NBN: variants seen among roughly 807,000 people sequenced by gnomAD.
The protein encoded by NBN is nibrin.
In NBN, 88 loss-of-function variants were observed where a neutral mutation model predicts 90.8. The ratio of observed to expected loss-of-function variants is 0.97; its 90% CI spans 0.82 to 1.16. The LOEUF is 1.16. Ranked by LOEUF, NBN falls within the 50% of genes most tolerant of loss-of-function variation. The pLI is 0.00. For missense variants in NBN, 894 were observed against 869.6 expected, an observed-to-expected ratio of 1.03 and a Z score of -0.35; for synonymous variants, 328 against 295.1, an observed-to-expected ratio of 1.11 and a Z score of -1.14.
intron 9 of NBN, 56 bp from the exon 10 acceptor site, chr8:89,955,611 A>T: frequency 6.5e-7 from 1 of 1,542,060 alleles, no homozygotes. Context: ...CAACTTTAAT[A>T]GAGAAACAAA....
Position 89,984,612 on chromosome 8 carries a change from T to C in NBN, c.-51A>G. The C allele has an allele frequency of 6.2e-7, 1 of 1,606,906 alleles. No individual in the cohort carries two copies. The highest frequency in any genetic ancestry group is 1.1e-5 in the South Asian group (1 of 90,276). On this transcript the variant is annotated 5_prime_UTR_variant, in exon 1 of 16. Coordinates refer to ENST00000265433, the MANE Select transcript of NBN (RefSeq NM_002485.5). ...CGACGTGCAACCGCGTAACCGGGGC[T>C]GCTAGACGAGCGCGGATACGGCGCC...
chr8:89,948,476 C>T (rs985546476), intron 11 of NBN, among the ~76,000 whole-genome samples: 10 of 152,134 alleles, frequency 6.6e-5, no homozygotes, highest in African/African-American at 1.7e-4. Flanking sequence ...TGAAGACTGC[C>T]TTGTATATTA....
At chr8:89,945,029 A>G (rs1810124913) in intron 13 of NBN, among the ~76,000 whole-genome samples, 2 of 152,234 alleles carry the variant, frequency 1.3e-5, no homozygotes, top group Non-Finnish European at 2.9e-5. Flanking sequence ...AAACATTTTA[A>G]GTATTTCCAA....
chr8:89,946,135 C>T lies in NBN; in HGVS notation c.2070+5G>A, dbSNP rs1323512485. On this transcript the variant is annotated splice_donor_5th_base_variant and intron_variant, in intron 13 of 15. Coordinates refer to ENST00000265433, the MANE Select transcript of NBN (RefSeq NM_002485.5). The stretch of plus-strand genomic sequence containing the variant: ...GACCTCTTGTGATACAGTTGAAATA[C>T]CTACCTTTTTGAATTTCTTGAAATT... 1 of 1,561,718 alleles carries T rather than the reference C, an allele frequency of 6.4e-7. No homozygotes were observed. The highest frequency in any genetic ancestry group is 2.3e-5 in the East Asian group (1 of 44,432).
At chr8:89,969,354 G>A (rs1054959602) in intron 7 of NBN, among the ~76,000 whole-genome samples, 2 of 152,102 alleles carry the variant, frequency 1.3e-5, no homozygotes, top group Non-Finnish European at 2.9e-5. Flanking sequence ...CCTATATAAG[G>A]ATAGGAATGT....
intron 9 of NBN, among the ~76,000 whole-genome samples, chr8:89,957,397 C>A (rs962413579): frequency 2.6e-5 from 4 of 152,118 alleles, no homozygotes; most frequent in Non-Finnish European, 5.9e-5. Context: ...CACAGCTATA[C>A]AATGTTTTAA....
chr8:89,946,101 T>A, intron 13 of NBN, 39 bp downstream of exon 13: 1 of 1,456,934 alleles, frequency 6.9e-7, no homozygotes, highest in Non-Finnish European at 9.6e-7. Context: ...TAAAAACATT[T>A]CAAACACTGA....
chr8:89,936,087 CTT>C (rs35393048), intron 15 of NBN: 4,908 of 275,970 alleles, frequency 0.018, 1 homozygote, highest in South Asian at 0.025. Flanking sequence ...TCTGTCAACA[CTT>C]TTTTTTTTTT....
chr8:89,984,017 A>G (rs969344906), intron 1 of NBN, among the ~76,000 whole-genome samples: 4 of 152,228 alleles, frequency 2.6e-5, no homozygotes, highest in African/African-American at 9.7e-5. Context: ...ATGGGAAAAA[A>G]TCGACTTTTC....
At chr8:89,967,275 C>T (rs1236793697) in intron 7 of NBN, among the ~76,000 whole-genome samples, 2 of 152,090 alleles carry the variant, frequency 1.3e-5, no homozygotes, top group African/African-American at 4.8e-5. Context: ...GTGTCCTATC[C>T]AAGGTTGGTT....
rs1810852191 is a variant in NBN at position 89,958,778 on chromosome 8, T to C, written c.1071A>G (p.Pro357=). The C allele has an allele frequency of 6.2e-7, 1 of 1,614,144 alleles. No individual in the cohort carries two copies. The highest frequency in any genetic ancestry group is 8.5e-7 in the Non-Finnish European group (1 of 1,179,982). Residue 357 remains proline (P), a synonymous_variant, in exon 9 of 16, where the codon CCA becomes CCG. Transcript: ENST00000265433. ...CAGCTACGTATGTTGTAGTGTTCACTGGGGCGCTTGGCATTAGTTTTTCAT... is the reference window on the plus strand; with the variant it reads ...CAGCTACGTATGTTGTAGTGTTCACCGGGGCGCTTGGCATTAGTTTTTCAT... ...SVDEKLMPSA[P]VNTTTYVADT... is the part of the protein sequence containing the mutation.
chr8:89,969,670 G>A (rs537925931), intron 7 of NBN, among the ~76,000 whole-genome samples: 139 of 152,092 alleles, frequency 9.1e-4, no homozygotes, highest in African/African-American at 3.0e-3. Context: ...TTCTTGTATC[G>A]GCCGGGCGCA....
At chr8:89,976,380 G>A (rs1811758348) in intron 5 of NBN, among the ~76,000 whole-genome samples, 1 of 152,214 alleles carries the variant, frequency 6.6e-6, no homozygotes, top group Non-Finnish European at 1.5e-5. Context: ...ACAGGATTTG[G>A]CTGAAAGCAG....
rs1810267412 is a variant in NBN, at chr8:89,947,849, G to A, written c.1889C>T (p.Ser630Leu). ...AGATATTTCTTTAGCTGACCATAGT[G>A]AGTCTTCCTTGAGTTCACGTTTCTT... ...IGKKRELKED[S>L]LWSAKEISNN... The change falls in exon 12 of 16, where the codon TCA becomes TTA. Residue 630 changes from serine (S) to leucine (L), a missense_variant. By Grantham distance (145) the Ser-to-Leu change is moderately radical. Coordinates refer to ENST00000265433, the MANE Select transcript of NBN (RefSeq NM_002485.5). 1 of 1,582,710 alleles carries A rather than the reference G, an allele frequency of 6.3e-7. No individual in the cohort carries two copies. Among genetic ancestry groups the A allele is most frequent in the Non-Finnish European group, 8.7e-7 (1 of 1,155,744 alleles).
At chr8:89,942,215 T>C (rs1276216082) in intron 14 of NBN, among the ~76,000 whole-genome samples, 1 of 152,136 alleles carries the variant, frequency 6.6e-6, no homozygotes, top group Non-Finnish European at 1.5e-5. Context: ...GTGAAGGAAA[T>C]AAATAAAAAT....
At chr8:89,946,082 T>C (rs1810169762) in intron 13 of NBN, 58 bp downstream of exon 13, 1 of 1,277,430 alleles carries the variant, frequency 7.8e-7, no homozygotes, top group Non-Finnish European at 1.1e-6. Context: ...TTAGCATCAC[T>C]GGTATCTCTA....
At chr8:89,938,825 C>A (rs10504885) in intron 14 of NBN, among the ~76,000 whole-genome samples, 22,679 of 152,168 alleles carry the variant, frequency 0.15, 3,932 homozygotes, top group African/African-American at 0.42. Flanking sequence ...GGGAAGACAT[C>A]ATTTTAATAA....
intron 1 of NBN, among the ~76,000 whole-genome samples, chr8:89,983,367 G>A (rs1387046024): frequency 6.6e-6 from 1 of 151,988 alleles, no homozygotes; most frequent in Non-Finnish European, 1.5e-5. Context: ...AGGGGATGGA[G>A]GTTGCAGTGA....
chr8:89,953,503 T>C lies in NBN; in HGVS notation c.1586A>G (p.Lys529Arg). The C allele has an allele frequency of 1.2e-6, 2 of 1,613,762 alleles. No individual in the cohort carries two copies. The highest frequency in any genetic ancestry group is 4.5e-5 in the East Asian group (2 of 44,856). The change falls in exon 11 of 16, where the codon AAA (lysine) becomes AGA (arginine). Residue 529 changes from lysine to arginine, a missense_variant. Lys to Arg is a conservative substitution (Grantham distance 26). Coordinates refer to ENST00000265433, the MANE Select transcript of NBN (RefSeq NM_002485.5). ...ACTGGCAGAATTTTTCACAATAGAT[T>C]TTAAATCTGTATCTGTAAATAAGTT... is the stretch of plus-strand genomic sequence containing the variant. ...DNNLFTDTDL[K>R]SIVKNSASKS...
Sources: allele counts gnomAD v4.1 joint callset (sites outside exome capture counted in the v4.1 genomes callset), GRCh38; gene constraint gnomAD v4.1.1; transcripts MANE v1.5; gene names NCBI Gene and HGNC (gene_info 2026-07-23, HGNC 2026-07-21).